Variants in CFAP299 observed in about 807,000 individuals in gnomAD.
CFAP299 encodes cilia- and flagella-associated protein 299.
Under a neutral mutation model 27.0 loss-of-function variants are expected in CFAP299, and 21 were observed. The observed-to-expected ratio is 0.78, with a 90% CI of 0.55 to 1.12. CFAP299 has a LOEUF of 1.12. Ranked by LOEUF, CFAP299 falls within the 50% of genes most tolerant of loss-of-function variation. CFAP299 has a pLI of 0.00. For missense variants in CFAP299, 310 were observed against 276.6 expected (o/e 1.12, Z -0.86); for synonymous variants, 104 against 98.1 (o/e 1.06, Z -0.36).
chr4:80,823,426 C>T (rs942608070), intron 3 of CFAP299, among the ~76,000 whole-genome samples: 2 of 152,068 alleles, frequency 1.3e-5, no homozygotes, highest in Non-Finnish European at 2.9e-5. Flanking sequence ...CCTTTTATTG[C>T]ATGTAAACAG....
At position 80,782,677 on chromosome 4, in the gene CFAP299, CAT is replaced by C. The variant is rs1351819641; in HGVS notation, c.334-87311_334-87310del. On this transcript the variant is annotated intron_variant, in intron 3 of 5. Coordinates refer to ENST00000358105, the MANE Select transcript of CFAP299 (RefSeq NM_152770.3). ...ATATAATATATTCATATATAATATA[CAT>C]ATATGAATATATAATATATTCATAT... Among the ~76,000 whole-genome samples the C allele has an allele frequency of 1.7e-3, 205 of 120,142 alleles. 1 individual carries two copies. The highest frequency in any genetic ancestry group is 6.2e-3 in the African/African-American group (194 of 31,268). The allele number at this position is 120,142 out of a possible 152,430, so 78.8% of individuals were successfully genotyped here.
chr4:80,419,572 C>T (rs914716658), intron 2 of CFAP299, among the ~76,000 whole-genome samples: 3 of 152,132 alleles, frequency 2.0e-5, no homozygotes, highest in Non-Finnish European at 4.4e-5. Flanking sequence ...GGAAGCCTAC[C>T]TTTCCCTAGT....
chr4:80,803,955 C>G (rs928763586), intron 3 of CFAP299, among the ~76,000 whole-genome samples: 1 of 151,944 alleles, frequency 6.6e-6, no homozygotes, highest in Non-Finnish European at 1.5e-5. Flanking sequence ...CATCCAAGAT[C>G]ACTCAGTGTC....
Position 80,362,839 on chromosome 4 carries a change from A to C in CFAP299, c.197A>C (p.Lys66Thr). ...RVKREDFEAR[K>T]AAIEIARLAE... The stretch of plus-strand genomic sequence containing the variant: ...AAAAGGGAAGATTTTGAAGCAAGGA[A>C]AGCGGCTATAGAGATTGCAAGACTG... The change falls in exon 2 of 6, where the codon AAA (lysine) becomes ACA (threonine). Residue 66 changes from lysine to threonine, a missense_variant. Lys to Thr is a moderately conservative substitution (Grantham distance 78). Transcript: ENST00000358105. 1.2e-6 allele frequency: 2 copies of C among 1,613,274 alleles called. No individual in the cohort carries two copies. The highest frequency in any genetic ancestry group is 1.6e-4 in the Middle Eastern group (1 of 6,062).
At chr4:80,836,172 G>T (rs955243310) in intron 3 of CFAP299, among the ~76,000 whole-genome samples, 3 of 152,168 alleles carry the variant, frequency 2.0e-5, no homozygotes, top group African/African-American at 7.2e-5. Context: ...TATAGAATTT[G>T]ATTCTTCTAA....
At chr4:80,685,599 A>T (rs1237579285) in intron 3 of CFAP299, among the ~76,000 whole-genome samples, 1 of 120,406 alleles carries the variant, frequency 8.3e-6, no homozygotes, top group Non-Finnish European at 1.6e-5. Flanking sequence ...GAAATATGTT[A>T]CTCCACAGTG....
At chr4:80,795,784 C>T (rs1268956419) in intron 3 of CFAP299, among the ~76,000 whole-genome samples, 1 of 152,100 alleles carries the variant, frequency 6.6e-6, no homozygotes, top group Non-Finnish European at 1.5e-5. Flanking sequence ...CTTGATGACC[C>T]ATAGTCAAAC....
chr4:80,823,835 C>G (rs1244566677), intron 3 of CFAP299, among the ~76,000 whole-genome samples: 1 of 152,060 alleles, frequency 6.6e-6, no homozygotes, highest in Non-Finnish European at 1.5e-5. Context: ...GTTTACCTAG[C>G]ACTAATTTAT....
intron 2 of CFAP299, among the ~76,000 whole-genome samples, chr4:80,396,811 G>A (rs1323297552): frequency 3.9e-5 from 6 of 152,172 alleles, no homozygotes; most frequent in African/African-American, 1.4e-4. Context: ...TAGCATCGAT[G>A]TTCATCAGAG....
intron 3 of CFAP299, among the ~76,000 whole-genome samples, chr4:80,619,595 A>T (rs1453207758): frequency 6.6e-6 from 1 of 152,110 alleles, no homozygotes; most frequent in African/African-American, 2.4e-5. Flanking sequence ...TTCTTTAGAT[A>T]TTCAATACTG....
chr4:80,826,339 T>C (rs763155027), intron 3 of CFAP299, among the ~76,000 whole-genome samples: 18 of 151,558 alleles, frequency 1.2e-4, no homozygotes, highest in Non-Finnish European at 2.1e-4. Flanking sequence ...TAGACAACAA[T>C]TATCAAAAGG....
At chr4:80,577,003 T>A (rs1180181369) in intron 2 of CFAP299, among the ~76,000 whole-genome samples, 1 of 152,192 alleles carries the variant, frequency 6.6e-6, no homozygotes, top group Non-Finnish European at 1.5e-5. Context: ...AACCCCCAGA[T>A]AAAGTCTGCA....
chr4:80,665,637 A>G (rs1485137980), intron 3 of CFAP299, among the ~76,000 whole-genome samples: 1 of 152,132 alleles, frequency 6.6e-6, no homozygotes, highest in African/African-American at 2.4e-5. Flanking sequence ...AATGTTTTTG[A>G]ACAAAAGGAA....
chr4:80,512,639 C>T (rs1038156769), intron 2 of CFAP299, among the ~76,000 whole-genome samples: 3 of 151,992 alleles, frequency 2.0e-5, no homozygotes, highest in East Asian at 1.9e-4. Context: ...GGGTTCAAAT[C>T]GCAGCTCTAT....
intron 2 of CFAP299, among the ~76,000 whole-genome samples, chr4:80,499,658 T>A (rs1447153140): frequency 6.6e-6 from 1 of 152,126 alleles, no homozygotes; most frequent in Non-Finnish European, 1.5e-5. Flanking sequence ...AAAATTTAAT[T>A]CATTTTCAGT....
At chr4:80,837,892 G>T (rs917016396) in intron 3 of CFAP299, among the ~76,000 whole-genome samples, 3 of 152,132 alleles carry the variant, frequency 2.0e-5, no homozygotes, top group Non-Finnish European at 4.4e-5. Context: ...CACCAACAGT[G>T]TAAAAGCTTT....
intron 5 of CFAP299, among the ~76,000 whole-genome samples, chr4:80,950,315 T>C (rs1737711955): frequency 6.7e-6 from 1 of 149,132 alleles, no homozygotes; most frequent in African/African-American, 2.5e-5. Flanking sequence ...AGCTTAAAGG[T>C]GAATCTGGAA....
intron 2 of CFAP299, among the ~76,000 whole-genome samples, chr4:80,468,854 A>G (rs1729844003): frequency 6.8e-6 from 1 of 147,024 alleles, no homozygotes; most frequent in East Asian, 2.0e-4. Context: ...AAAAAAAAAA[A>G]GGCAGTAAGA....
At chr4:80,574,022 G>T (rs1735725018) in intron 2 of CFAP299, among the ~76,000 whole-genome samples, 1 of 151,968 alleles carries the variant, frequency 6.6e-6, no homozygotes, top group Non-Finnish European at 1.5e-5. Flanking sequence ...TATATAGATT[G>T]CATTGAATCC....
Sources: allele counts gnomAD v4.1 joint callset (sites outside exome capture counted in the v4.1 genomes callset), GRCh38; gene constraint gnomAD v4.1.1; transcripts MANE v1.5; gene names NCBI Gene and HGNC (gene_info 2026-07-23, HGNC 2026-07-21).